ITPR2: variants seen among roughly 807,000 people sequenced by gnomAD.
ITPR2 encodes inositol 1,4,5-trisphosphate-gated calcium channel ITPR2.
A neutral mutation model predicts 317.1 loss-of-function variants in ITPR2; 207 were observed. The ratio of observed to expected loss-of-function variants is 0.65; its 90% CI spans 0.58 to 0.73. ITPR2 has a LOEUF of 0.73. ITPR2 is among the 30% of genes least tolerant of loss of function. The pLI, the probability that ITPR2 is intolerant of heterozygous loss-of-function variation, is 0.00. For synonymous variants in ITPR2, 1,156 were observed against 1,149.1 expected (o/e 1.01, Z -0.12); for missense variants, 2,613 against 3,284.0 (o/e 0.80, Z 4.99).
intron 32 of ITPR2, among the ~76,000 whole-genome samples, chr12:26,585,396 C>G (rs1326113732): frequency 6.6e-6 from 1 of 152,106 alleles, no homozygotes; most frequent in Non-Finnish European, 1.5e-5. Context: ...TAAGCTATTT[C>G]CTACTACATA....
chr12:26,820,002 C>T (rs1950915416), intron 1 of ITPR2, among the ~76,000 whole-genome samples: 1 of 152,068 alleles, frequency 6.6e-6, no homozygotes, highest in South Asian at 2.1e-4. Context: ...ACCCAGGAGG[C>T]AGAGGTTGCA....
chr12:26,589,651 G>C (rs1468340688), intron 32 of ITPR2, among the ~76,000 whole-genome samples: 2 of 145,198 alleles, frequency 1.4e-5, no homozygotes, highest in Non-Finnish European at 3.0e-5. Flanking sequence ...GTCAGGCGTG[G>C]TGGCGGGGGC....
intron 55 of ITPR2, among the ~76,000 whole-genome samples, chr12:26,381,104 T>C (rs899646964): frequency 3.9e-5 from 6 of 152,150 alleles, no homozygotes; most frequent in Admixed American, 3.9e-4. Flanking sequence ...GAGGCTGGGT[T>C]GGAGAGACAC....
In ITPR2 at chr12:26,657,701, C is replaced by T; in HGVS notation, c.2192+6G>A. ...AATTATTGTAAGATTGTCTATAATA[C>T]TTAACCTGTAATAGGTAAGAACTTC... On this transcript the variant is annotated splice_donor_region_variant and intron_variant, in intron 18 of 56. Coordinates refer to ENST00000381340, the MANE Select transcript of ITPR2 (RefSeq NM_002223.4). 1 of 1,611,702 alleles carries T rather than the reference C, an allele frequency of 6.2e-7. No individual in the cohort carries two copies. Among genetic ancestry groups the T allele is most frequent in the Non-Finnish European group, 8.5e-7 (1 of 1,178,070 alleles).
intron 6 of ITPR2, 110 bp from the exon 7 acceptor site, chr12:26,715,945 T>C: frequency 1.2e-6 from 1 of 821,960 alleles, no homozygotes; most frequent in Non-Finnish European, 2.0e-6. Context: ...GATAATGAAG[T>C]ATATAGCTCA....
chr12:26,788,529 G>A lies in ITPR2; in HGVS notation c.163+1628C>T, dbSNP rs181587852. 9.9e-5 allele frequency among the ~76,000 whole-genome samples: 15 copies of A among 152,256 alleles called. No homozygotes were observed. In the East Asian group the frequency reaches 2.3e-3, roughly 24 times the overall value. ...CCTATAGTTCACCAAAGAGTGTCTA[G>A]TGGTGGATGTGGTTGTTATTTACCA... On this transcript the variant is annotated intron_variant, in intron 2 of 56. Coordinates refer to ENST00000381340, the MANE Select transcript of ITPR2 (RefSeq NM_002223.4).
At chr12:26,424,234 A>C (rs1940977247) in intron 49 of ITPR2, among the ~76,000 whole-genome samples, 1 of 152,238 alleles carries the variant, frequency 6.6e-6, no homozygotes, top group Non-Finnish European at 1.5e-5. Context: ...TATCCTAGCG[A>C]AGACAGATCA....
intron 55 of ITPR2, among the ~76,000 whole-genome samples, chr12:26,381,736 C>T (rs374244722): frequency 7.4e-4 from 113 of 152,218 alleles, no homozygotes; most frequent in African/African-American, 2.3e-3. Flanking sequence ...AAGGAGGAAA[C>T]GGTTCCCGAA....
intron 2 of ITPR2, among the ~76,000 whole-genome samples, chr12:26,735,757 C>G (rs1243985180): frequency 6.6e-6 from 1 of 152,158 alleles, no homozygotes; most frequent in East Asian, 1.9e-4. Context: ...ATCCTGTGGT[C>G]AAGAGGAAAG....
chr12:26,418,953 G>T, intron 50 of ITPR2, 96 bp downstream of exon 50: 1 of 1,015,556 alleles, frequency 9.8e-7, no homozygotes, highest in Non-Finnish European at 1.4e-6. Context: ...TAAATGTCAG[G>T]CTTTGCTTAA....
At chr12:26,532,669 G>A (rs769490810) in intron 37 of ITPR2, among the ~76,000 whole-genome samples, 2 of 152,064 alleles carry the variant, frequency 1.3e-5, no homozygotes, top group African/African-American at 2.4e-5. Context: ...ATGAATTGAT[G>A]AAATGATATT....
chr12:26,591,256 A>G (rs928269860), intron 32 of ITPR2, among the ~76,000 whole-genome samples: 2 of 152,180 alleles, frequency 1.3e-5, no homozygotes, highest in African/African-American at 2.4e-5. Context: ...GAATAATCCG[A>G]TTCAAAAATG....
chr12:26,527,170 T>C (rs1451355522), intron 37 of ITPR2, among the ~76,000 whole-genome samples: 1 of 152,236 alleles, frequency 6.6e-6, no homozygotes, highest in Non-Finnish European at 1.5e-5. Context: ...GTAATGCTCA[T>C]GTAATCCACT....
chr12:26,486,055 G>A (rs2136847806), intron 41 of ITPR2, 49 bp downstream of exon 41: 1 of 1,591,438 alleles, frequency 6.3e-7, no homozygotes, highest in East Asian at 2.2e-5. Flanking sequence ...TTTAATTACT[G>A]ATAAACATAG....
Position 26,556,286 on chromosome 12 carries a change from C to T in ITPR2, c.4911G>A (p.Leu1637=), listed in dbSNP as rs1310419876. The change falls in exon 36 of 57, where the codon CTG becomes CTA. Residue 1637 remains leucine, a synonymous_variant. Coordinates refer to ENST00000381340, the MANE Select transcript of ITPR2 (RefSeq NM_002223.4). The stretch of plus-strand genomic sequence containing the variant: ...TTGCATCGCTTCCCTCAGGGAACAG[C>T]AGTTCTGGACTGTACAATACATCAA... ...VLVDVLYSPE[L]LFPEGSDARI... 3 of 1,613,574 alleles carry T rather than the reference C, an allele frequency of 1.9e-6. No homozygotes were observed. The highest frequency in any genetic ancestry group is 1.7e-4 in the Middle Eastern group (1 of 6,058).
chr12:26,739,694 T>C (rs746298540), intron 2 of ITPR2, among the ~76,000 whole-genome samples: 1 of 152,196 alleles, frequency 6.6e-6, no homozygotes, highest in African/African-American at 2.4e-5. Context: ...CTTTTTGAGA[T>C]GATGTAAGTG....
chr12:26,531,909 A>G (rs1025479982), intron 37 of ITPR2, among the ~76,000 whole-genome samples: 1 of 152,238 alleles, frequency 6.6e-6, no homozygotes, highest in Admixed American at 6.5e-5. Context: ...TTTGATTGGC[A>G]TAAGAGAACT....
chr12:26,543,354 ATTGTGTGTGT>A, intron 37 of ITPR2, among the ~76,000 whole-genome samples: 1 of 152,010 alleles, frequency 6.6e-6, no homozygotes, highest in Non-Finnish European at 1.5e-5. Flanking sequence ...ACTATCAGAT[ATTGTGTGTGT>A]TTGTGTGTGT....
intron 48 of ITPR2, among the ~76,000 whole-genome samples, chr12:26,431,867 TCACCACCA>T (rs1303397940): frequency 2.6e-5 from 4 of 152,184 alleles, no homozygotes; most frequent in Non-Finnish European, 5.9e-5. Flanking sequence ...CCCTCTGTTC[TCACCACCA>T]CATTGGTACC....
Sources: allele counts gnomAD v4.1 joint callset (sites outside exome capture counted in the v4.1 genomes callset), GRCh38; gene constraint gnomAD v4.1.1; transcripts MANE v1.5; gene names NCBI Gene and HGNC (gene_info 2026-07-23, HGNC 2026-07-21).